The following CERKL variants were observed in gnomAD, a reference collection of about 807,000 sequenced individuals.
CERKL encodes CERK like autophagy regulator.
CERKL carries 61 observed loss-of-function variants against 63.4 expected under a neutral mutation model. The ratio of observed to expected loss-of-function variants is 0.96; its 90% confidence interval spans 0.78 to 1.19. The LOEUF (loss-of-function observed/expected upper bound fraction) is 1.19. Among genes scored for constraint, CERKL ranks in the 50% most tolerant of loss-of-function variants. The probability of loss-of-function intolerance (pLI) is 0.00; values close to 1 mark genes in which losing one functional copy is unlikely to be tolerated. For missense variants in CERKL, 675 were observed against 655.5 expected, an observed-to-expected ratio of 1.03 and a Z score of -0.33; for synonymous variants, 250 against 230.5, an observed-to-expected ratio of 1.08 and a Z score of -0.77.
intron 1 of CERKL, among the ~76,000 whole-genome samples, chr2:181,639,651 TCTTG>T (rs1301030734): frequency 1.3e-5 from 2 of 152,198 alleles, no homozygotes; most frequent in Non-Finnish European, 2.9e-5. Context: ...TCAGATAGAC[TCTTG>T]CTTGCTTAAC....
At chr2:181,547,062 C>G (rs938599463) in intron 10 of CERKL, among the ~76,000 whole-genome samples, 17 of 152,164 alleles carry the variant, frequency 1.1e-4, no homozygotes, top group African/African-American at 2.7e-4. Flanking sequence ...TGCACAAGCT[C>G]TCTTGTCTGC....
chr2:181,600,380 C>G (rs974033195), intron 2 of CERKL, among the ~76,000 whole-genome samples: 2 of 152,138 alleles, frequency 1.3e-5, no homozygotes, highest in Non-Finnish European at 2.9e-5. Flanking sequence ...TAACTTAGAA[C>G]ATAAATGGCC....
At chr2:181,566,807 C>A (rs1401012822) in intron 3 of CERKL, among the ~76,000 whole-genome samples, 2 of 152,144 alleles carry the variant, frequency 1.3e-5, no homozygotes, top group East Asian at 1.9e-4. Context: ...AACGGGCACA[C>A]TGCAGATGGC....
Position 181,538,174 on chromosome 2 carries a change from C to T in CERKL, c.*10G>A. ...CTAGTTTGTACATTTCTTTTAGAAA[C>T]AATTACATGTTACTTTGGAATCATT... On this transcript the variant is annotated 3_prime_UTR_variant, in exon 13 of 13. Coordinates refer to ENST00000410087, the MANE Select transcript of CERKL (RefSeq NM_201548.5). 6.5e-7 allele frequency: 1 copy of T among 1,535,748 alleles called. No homozygotes were observed. The highest frequency in any genetic ancestry group is 9.0e-7 in the Non-Finnish European group (1 of 1,110,570).
intron 1 of CERKL, among the ~76,000 whole-genome samples, chr2:181,609,537 A>G (rs1300815105): frequency 2.8e-5 from 4 of 141,982 alleles, no homozygotes; most frequent in African/African-American, 1.1e-4. Context: ...CTCTACTAAA[A>G]AAAAAAAAAA....
intron 1 of CERKL, among the ~76,000 whole-genome samples, chr2:181,612,273 AT>A (rs1686000722): frequency 6.6e-6 from 1 of 152,188 alleles, no homozygotes; most frequent in African/African-American, 2.4e-5. Flanking sequence ...TTTGTTTTTT[AT>A]TAAGGTATAA....
At chr2:181,623,179 A>G (rs192167166) in intron 1 of CERKL, among the ~76,000 whole-genome samples, 24 of 152,374 alleles carry the variant, frequency 1.6e-4, no homozygotes, top group African/African-American at 5.5e-4. Context: ...TAGTGATAAT[A>G]TCTTTTAGAT....
intron 2 of CERKL, among the ~76,000 whole-genome samples, chr2:181,576,527 C>T (rs996568611): frequency 6.6e-6 from 1 of 152,320 alleles, no homozygotes; most frequent in Admixed American, 6.5e-5. Flanking sequence ...GTCAGATCAC[C>T]CTCGAGCCTT....
At chr2:181,637,132 A>G (rs1687212252) in intron 1 of CERKL, among the ~76,000 whole-genome samples, 1 of 152,182 alleles carries the variant, frequency 6.6e-6, no homozygotes, top group Non-Finnish European at 1.5e-5. Context: ...AAAGTTTGGC[A>G]ATAAACTCTT....
chr2:181,641,047 G>A (rs536540480), intron 1 of CERKL, among the ~76,000 whole-genome samples: 38 of 152,236 alleles, frequency 2.5e-4, no homozygotes, highest in African/African-American at 6.5e-4. Context: ...GTCTCCAGAC[G>A]TTCACAGGGT....
intron 1 of CERKL, among the ~76,000 whole-genome samples, chr2:181,610,777 T>G (rs1048645457): frequency 2.0e-5 from 3 of 152,268 alleles, no homozygotes; most frequent in Non-Finnish European, 1.5e-5. Flanking sequence ...TTTTTTCTTA[T>G]GAAGCTCCAT....
chr2:181,538,224 C>CTGAT lies in CERKL; in HGVS notation c.1555_1558dup (p.Ser520AsnfsTer21), dbSNP rs762150607. 4 of 1,592,744 alleles carry CTGAT rather than the reference C, an allele frequency of 2.5e-6. No homozygotes were observed. The Admixed American group carries it at 6.7e-5, about 27-fold the overall frequency. Reference sequence around the variant, plus strand: ...TTCTTCCATGCTTCCTCCATAAAGACTGATAAGTCTTGGATGCAATCTGTA... The same window carrying CTGAT: ...TTCTTCCATGCTTCCTCCATAAAGACTGATTGATAAGTCTTGGATGCAATCTGTA... On this transcript the variant is annotated frameshift_variant, in exon 13 of 13. Transcript: ENST00000410087. LOFTEE classifies it high-confidence loss of function.
At chr2:181,539,793 G>A (rs1687410971) in intron 11 of CERKL, among the ~76,000 whole-genome samples, 1 of 152,146 alleles carries the variant, frequency 6.6e-6, no homozygotes, top group African/African-American at 2.4e-5. Context: ...TTTAACAATG[G>A]ACACAAGCTG....
rs746784970 is a variant in CERKL, at chr2:181,548,628, T to C, written c.1074-24A>G. The C allele has an allele frequency of 1.7e-4, 270 of 1,612,476 alleles. 1 individual carries two copies. Among genetic ancestry groups the C allele is most frequent in the Non-Finnish European group, 2.1e-4 (250 of 1,178,804 alleles). ...CCCTAAAATGTAATGAAATTTGTTA[T>C]TAACAGTCATTGAACCTGGGATACA... On this transcript the variant is annotated intron_variant, in intron 7 of 12. Coordinates refer to ENST00000410087, the MANE Select transcript of CERKL (RefSeq NM_201548.5).
Position 181,573,736 on chromosome 2 carries a change from T to A in CERKL, c.613+17A>T. On this transcript the variant is annotated intron_variant, in intron 3 of 12. Coordinates refer to ENST00000410087, the MANE Select transcript of CERKL (RefSeq NM_201548.5). ...TGTTTTTGTAGATGGTGAAATTATATTCTGAAAATTACTTACTTGTTACAT... is the reference window on the plus strand; with the variant it reads ...TGTTTTTGTAGATGGTGAAATTATAATCTGAAAATTACTTACTTGTTACAT... The A allele has an allele frequency of 6.2e-7, 1 of 1,608,666 alleles. No homozygotes were observed. The highest frequency in any genetic ancestry group is 8.5e-7 in the Non-Finnish European group (1 of 1,175,972).
intron 11 of CERKL, among the ~76,000 whole-genome samples, chr2:181,541,867 T>A (rs1687519896): frequency 1.3e-5 from 2 of 152,216 alleles, no homozygotes; most frequent in Middle Eastern, 6.8e-3. Context: ...GGAACAACTT[T>A]AGGGGAAAAG....
chr2:181,608,990 T>C (rs889196046), intron 1 of CERKL, among the ~76,000 whole-genome samples: 1 of 152,120 alleles, frequency 6.6e-6, no homozygotes, highest in Admixed American at 6.5e-5. Flanking sequence ...AGCAAAATGA[T>C]TCTAGACTCG....
At chr2:181,624,972 C>T (rs1461475257) in intron 1 of CERKL, among the ~76,000 whole-genome samples, 2 of 152,082 alleles carry the variant, frequency 1.3e-5, no homozygotes, top group African/African-American at 2.4e-5. Flanking sequence ...ACTAGAGTTA[C>T]AAATTTGAAA....
rs1265841480 is a variant in CERKL, at chr2:181,583,172, A to G, written c.482-9288T>C. On this transcript the variant is annotated intron_variant, in intron 2 of 12. Transcript: ENST00000410087. Reference sequence around the variant, plus strand: ...GGCCATTCATTTAGAAAAAAAAAAAAAGATTGAATTAGAAAGTCTCCATGT... The same window carrying G: ...GGCCATTCATTTAGAAAAAAAAAAAGAGATTGAATTAGAAAGTCTCCATGT... Among the ~76,000 whole-genome samples, 6 of 152,268 alleles carry G rather than the reference A, an allele frequency of 3.9e-5. No homozygotes were observed. In the East Asian group the frequency reaches 9.7e-4, roughly 25 times the overall value.
Sources: allele counts gnomAD v4.1 joint callset (sites outside exome capture counted in the v4.1 genomes callset), GRCh38; gene constraint gnomAD v4.1.1; transcripts MANE v1.5; gene names NCBI Gene and HGNC (gene_info 2026-07-23, HGNC 2026-07-21).